Variants in CANX observed in about 807,000 individuals in gnomAD.
CANX encodes the protein calnexin, also known as epididymis secretory sperm binding protein.
Under a neutral mutation model 75.7 loss-of-function variants are expected in CANX, and 14 were observed. The observed-to-expected ratio is 0.19, with a 90% CI of 0.12 to 0.29. CANX has a LOEUF of 0.29. CANX is among the 10% of genes least tolerant of loss of function. The pLI is 1.00. For synonymous variants in CANX, 227 were observed against 236.9 expected, an observed-to-expected ratio of 0.96 and a Z score of 0.38; for missense variants, 567 against 713.2, an observed-to-expected ratio of 0.79 and a Z score of 2.34.
chr5:179,681,312 G>A (rs1467945900), intron 1 of CANX, among the ~76,000 whole-genome samples: 1 of 152,170 alleles, frequency 6.6e-6, no homozygotes, highest in East Asian at 1.9e-4. Flanking sequence ...ATTTGTTCTA[G>A]GGGAACTAAC....
rs761392597 is a variant in CANX at position 179,699,056 on chromosome 5, G to A, written c.-50G>A. ...TACTGCGGCGCGGGGCAAGGTGTGC[G>A]GGCGGGAAGGGGCACGGGCACCCCC... On this transcript the variant is annotated 5_prime_UTR_variant, in exon 1 of 15. Coordinates refer to ENST00000247461, the MANE Select transcript of CANX (RefSeq NM_001746.4). 2.7e-6 allele frequency: 3 copies of A among 1,102,540 alleles called. No individual in the cohort carries two copies. The South Asian group carries it at 5.9e-5, about 22-fold the overall frequency. 68.3% of individuals were successfully genotyped at this position (1,102,540 alleles called of 1,614,324 possible).
chr5:179,704,728 C>G (rs1432575904), intron 1 of CANX, among the ~76,000 whole-genome samples: 3 of 150,536 alleles, frequency 2.0e-5, no homozygotes, highest in Non-Finnish European at 4.4e-5. Context: ...CACAGCTACT[C>G]AAGAGGCTGA....
At position 179,723,589 on chromosome 5, in the gene CANX, C is replaced by T. The variant is rs567440847; in HGVS notation, c.1399-71C>T. 19 of 1,552,438 alleles carry T rather than the reference C, an allele frequency of 1.2e-5. No homozygotes were observed. The African/African-American group carries it at 2.2e-4, about 18-fold the overall frequency. ...GTAGTGCCATGCCATAACTGAACTGCAGAAAAACAGCACGGCCTATGTTTG... is the reference window on the plus strand; with the variant it reads ...GTAGTGCCATGCCATAACTGAACTGTAGAAAAACAGCACGGCCTATGTTTG... On this transcript the variant is annotated intron_variant, in intron 11 of 14. Coordinates refer to ENST00000247461, the MANE Select transcript of CANX (RefSeq NM_001746.4).
chr5:179,699,442 G>A (rs1776578174), intron 1 of CANX: 1 of 151,684 alleles, frequency 6.6e-6, no homozygotes, highest in Non-Finnish European at 1.5e-5. Flanking sequence ...CGCGAGGTGG[G>A]CTGGAGTAAC....
At chr5:179,697,016 T>G (rs1776421202), upstream of CANX, among the ~76,000 whole-genome samples, 1 of 152,230 alleles carries the variant, frequency 6.6e-6, no homozygotes, top group South Asian at 2.1e-4. Flanking sequence ...GTAATTGCTT[T>G]GGACTGCACA....
intron 6 of CANX, 88 bp downstream of exon 6, chr5:179,709,147 G>T: frequency 2.6e-6 from 2 of 781,426 alleles, no homozygotes; most frequent in Non-Finnish European, 4.6e-6. Flanking sequence ...AGTGGCTCAC[G>T]CCTGTAATCC....
intron 1 of CANX, among the ~76,000 whole-genome samples, chr5:179,703,768 A>T (rs921270832): frequency 2.6e-5 from 4 of 151,904 alleles, no homozygotes; most frequent in African/African-American, 9.7e-5. Flanking sequence ...ATAGAGGGAG[A>T]GGGTGCTGAT....
At chr5:179,704,307 C>G (rs187646813) in intron 1 of CANX, 3 of 152,146 alleles carry the variant, frequency 2.0e-5, no homozygotes, top group East Asian at 3.9e-4. Flanking sequence ...GCGGGCAGAT[C>G]ACGACGTCAA....
At chr5:179,719,189 T>G in intron 8 of CANX, among the ~76,000 whole-genome samples, 1 of 152,246 alleles carries the variant, frequency 6.6e-6, no homozygotes, top group East Asian at 1.9e-4. Flanking sequence ...ACTGCCAAAC[T>G]GTTTTCCAAA....
At chr5:179,693,077 TG>T (rs1415506235) in intron 1 of CANX, among the ~76,000 whole-genome samples, 10 of 131,402 alleles carry the variant, frequency 7.6e-5, no homozygotes, top group Non-Finnish European at 1.6e-4. Context: ...ACTCGGAGGG[TG>T]GTGGTTGCAG....
chr5:179,705,926 G>T, intron 2 of CANX, 74 bp downstream of exon 2: 1 of 1,292,618 alleles, frequency 7.7e-7, no homozygotes, highest in East Asian at 2.3e-5. Flanking sequence ...CGGGTGCAGG[G>T]AAATGTAGTC....
chr5:179,717,755 G>T (rs7713126), intron 8 of CANX, among the ~76,000 whole-genome samples: 2 of 149,620 alleles, frequency 1.3e-5, no homozygotes, highest in Admixed American at 1.3e-4. Flanking sequence ...TAGCTCTGTC[G>T]CCCAGGCTGG....
intron 1 of CANX, among the ~76,000 whole-genome samples, chr5:179,686,047 A>G (rs1213292252): frequency 6.6e-6 from 1 of 151,782 alleles, no homozygotes; most frequent in Non-Finnish European, 1.5e-5. Context: ...AATGCTATTA[A>G]GCATCTTTCC....
Position 179,720,421 on chromosome 5 carries a change from G to A in CANX, c.1043G>A (p.Gly348Glu), listed in dbSNP as rs749914552. Residue 348 changes from glycine (G) to glutamate (E), a missense_variant, in exon 10 of 15, where the codon GGA becomes GAA. Transcript: ENST00000247461. ...CTCCGTAGGGATGAAGACATGGATG[G>A]AGAATGGGAGGCTCCTCAGATTGCC... ...KPEDWDEDMD[G>E]EWEAPQIANP... The A allele has an allele frequency of 1.2e-6, 2 of 1,613,870 alleles. No homozygotes were observed. Among genetic ancestry groups the A allele is most frequent in the Non-Finnish European group, 1.7e-6 (2 of 1,179,896 alleles).
chr5:179,709,981 A>G lies in CANX; in HGVS notation c.637A>G (p.Ile213Val). Residue 213 changes from isoleucine to valine, a missense_variant, in exon 7 of 15, where the codon ATC becomes GTC. Around this residue, in one of 3 missense-constraint regions of CANX, gnomAD observed 351 missense variants for 433.8 expected, o/e 0.81. Coordinates refer to ENST00000247461, the MANE Select transcript of CANX (RefSeq NM_001746.4). ...IFRHKNPKTG[I>V]YEEKHAKRPD... ...CCGACACAAAAACCCCAAAACGGGT[A>G]TCTATGAAGAAAAACATGCTAAGAG... 6.2e-7 allele frequency: 1 copy of G among 1,613,142 alleles called. No individual in the cohort carries two copies. The highest frequency in any genetic ancestry group is 8.5e-7 in the Non-Finnish European group (1 of 1,179,120).
At chr5:179,724,598 A>G (rs1332504539) in intron 12 of CANX, 59 bp from the exon 13 acceptor site, 3 of 1,454,214 alleles carry the variant, frequency 2.1e-6, no homozygotes. Context: ...GGCATTCAGG[A>G]ATTATATAAC....
intron 13 of CANX, 78 bp downstream of exon 13, chr5:179,724,861 A>T: frequency 2.7e-6 from 4 of 1,508,074 alleles, no homozygotes; most frequent in Non-Finnish European, 3.6e-6. Context: ...CAAGTTAAGG[A>T]TTGTTTTTAG....
At chr5:179,726,573 C>T in intron 13 of CANX, 107 bp from the exon 14 acceptor site, 1 of 696,752 alleles carries the variant, frequency 1.4e-6, no homozygotes, top group Non-Finnish European at 2.4e-6. Flanking sequence ...AAGACTCTGT[C>T]TCCAAAAAAA....
chr5:179,726,536 A>G (rs1778685715), intron 13 of CANX, 144 bp from the exon 14 acceptor site: 1 of 555,380 alleles, frequency 1.8e-6, no homozygotes, highest in African/African-American at 1.9e-5. Context: ...AGATCGCGCC[A>G]CTGCACTCCA....
Sources: gnomAD v4.1 joint callset for allele counts (sites outside exome capture counted in the v4.1 genomes callset) on GRCh38, gnomAD v4.1.1 for gene constraint, gnomAD v4.1.1 regional missense constraint, MANE v1.5 for transcripts, NCBI Gene and HGNC (gene_info 2026-07-23, HGNC 2026-07-21) for gene names.